Variants in MYLK2 observed in about 807,000 individuals in gnomAD.
The protein encoded by MYLK2 is myosin light chain kinase 2, skeletal/cardiac muscle.
A neutral mutation model predicts 58.2 loss-of-function variants in MYLK2; 27 were observed. The ratio of observed to expected loss-of-function variants is 0.46; its 90% confidence interval spans 0.34 to 0.64. MYLK2 has a LOEUF of 0.64. Among genes scored for constraint, MYLK2 ranks in the 30% least tolerant of loss-of-function variants. MYLK2 has a pLI of 0.01. For synonymous variants in MYLK2, 310 were observed against 296.7 expected, an observed-to-expected ratio of 1.04 and a Z score of -0.46; for missense variants, 676 against 764.3, an observed-to-expected ratio of 0.88 and a Z score of 1.36.
intron 8 of MYLK2, chr20:31,827,521 C>T: frequency 1.0e-6 from 1 of 985,242 alleles, no homozygotes; most frequent in Non-Finnish European, 1.2e-6. Context: ...ATATTGATAT[C>T]CTTCTTCTTT....
chr20:31,829,653 T>C (rs1600412713), intron 8 of MYLK2, among the ~76,000 whole-genome samples: 1 of 152,230 alleles, frequency 6.6e-6, no homozygotes, highest in East Asian at 1.9e-4. Context: ...ATTTGTCTCA[T>C]CTCAGGCTGT....
At position 31,819,617 on chromosome 20, in the gene MYLK2, C is replaced by A; in HGVS notation, c.37C>A (p.Gln13Lys). ...AAATGGAGCAGTTGAGCTGGGAATT[C>A]AGAACCCATCAACAGGTGCCAAGCT... ...TENGAVELGIQNPSTDKAPKG... is the reference protein window; with the variant it reads ...TENGAVELGIKNPSTDKAPKG... The change falls in exon 2 of 13, where the codon CAG (glutamine) becomes AAG (lysine). Residue 13 changes from glutamine to lysine, a missense_variant. By Grantham distance (53) the Gln-to-Lys change is moderately conservative (BLOSUM62 1). Around this residue, in one of 2 missense-constraint regions of MYLK2, gnomAD observed 306 missense variants for 296.5 expected, o/e 1.03. Transcript: ENST00000375985. 6.4e-7 allele frequency: 1 copy of A among 1,551,574 alleles called. No individual in the cohort carries two copies. Among genetic ancestry groups the A allele is most frequent in the South Asian group, 1.2e-5 (1 of 84,060 alleles).
At chr20:31,828,252 G>A in intron 8 of MYLK2, 1 of 984,848 alleles carries the variant, frequency 1.0e-6, no homozygotes, top group Non-Finnish European at 1.2e-6. Context: ...AGCTGAGTGT[G>A]GAGCTCTGGG....
Position 31,827,043 on chromosome 20 carries a change from C to T in MYLK2, c.1224+105C>T, listed in dbSNP as rs2062283991. Reference sequence around the variant, plus strand: ...CTGCCCTCCCATCCCTCCATCTCTTCCTTCATCCATCCTTCCCTTCATAGA... The same window carrying T: ...CTGCCCTCCCATCCCTCCATCTCTTTCTTCATCCATCCTTCCCTTCATAGA... On this transcript the variant is annotated intron_variant, in intron 8 of 12. Coordinates refer to ENST00000375985, the MANE Select transcript of MYLK2 (RefSeq NM_033118.4). 3.2e-6 allele frequency: 5 copies of T among 1,563,002 alleles called. No homozygotes were observed. The African/African-American group carries it at 5.4e-5, about 17-fold the overall frequency.
rs149280577 is a variant in MYLK2 at position 31,820,331 on chromosome 20, C to A, written c.258C>A (p.Pro86=). The A allele has an allele frequency of 6.2e-7, 1 of 1,612,850 alleles. No individual in the cohort carries two copies. Among genetic ancestry groups the A allele is most frequent in the Admixed American group, 1.7e-5 (1 of 60,010 alleles). ...GAGAGGGTGACAGGGGCGGGGGGCC[C>A]GCGGAGGGCAGTGCTGGGCCCCCGG... The part of the protein sequence containing the change: ...PKGEGDRGGG[P]AEGSAGPPAA... The change falls in exon 3 of 13, where the codon CCC becomes CCA. Residue 86 remains proline, a synonymous_variant. Transcript: ENST00000375985.
intron 12 of MYLK2, among the ~76,000 whole-genome samples, chr20:31,832,871 G>A (rs1158009930): frequency 6.6e-6 from 1 of 152,072 alleles, no homozygotes; most frequent in African/African-American, 2.4e-5. Flanking sequence ...GCCTTCTGCC[G>A]GGGAGAGGTT....
intron 11 of MYLK2, 63 bp downstream of exon 11, chr20:31,831,918 G>C: frequency 6.2e-7 from 1 of 1,613,500 alleles, no homozygotes; most frequent in Non-Finnish European, 8.5e-7. Flanking sequence ...AGTGCTGGCA[G>C]GGCGGGAGCC....
At position 31,834,646 on chromosome 20, in the gene MYLK2, C is replaced by G. The variant is rs1222996780; in HGVS notation, c.*849C>G. 1 of 152,776 alleles carries G rather than the reference C, an allele frequency of 6.5e-6. No homozygotes were observed. The highest frequency in any genetic ancestry group is 1.5e-5 in the Non-Finnish European group (1 of 68,116). The allele number at this position is 152,776 out of a possible 1,614,324, so 9.5% of individuals were successfully genotyped here. A position where few individuals can be genotyped will look rare whatever the true frequency, so the allele number is the denominator to read the frequency against. On this transcript the variant is annotated 3_prime_UTR_variant, in exon 13 of 13. Coordinates refer to ENST00000375985, the MANE Select transcript of MYLK2 (RefSeq NM_033118.4). Reference sequence around the variant, plus strand: ...AGGCCATGGGGCAGCCTCCAGTCTGCTCTCAGCTTGTGCCTTGTAAATAAA... The same window carrying G: ...AGGCCATGGGGCAGCCTCCAGTCTGGTCTCAGCTTGTGCCTTGTAAATAAA...
Position 31,821,397 on chromosome 20 carries a change from T to A in MYLK2, c.474-42T>A, listed in dbSNP as rs113086542. 8.7e-6 allele frequency: 14 copies of A among 1,611,056 alleles called. No individual in the cohort carries two copies. In the African/African-American group the frequency reaches 1.1e-4, roughly 12 times the overall value. ...TTGAGACTTGCCTGATGCCACAGGC[T>A]GTGGCCGCTGAGGGCTTCACCTCTG... On this transcript the variant is annotated intron_variant, in intron 3 of 12. Coordinates refer to ENST00000375985, the MANE Select transcript of MYLK2 (RefSeq NM_033118.4).
rs1374328808 is a variant in MYLK2 at position 31,822,542 on chromosome 20, G to A, written c.772+805G>A. ...TTGTTCATGGGCTGCAGAGAGCACT[G>A]AGTGTGAGTGAGCTTGGCCAGCAGG... On this transcript the variant is annotated intron_variant, in intron 4 of 12. Coordinates refer to ENST00000375985, the MANE Select transcript of MYLK2 (RefSeq NM_033118.4). 2.0e-5 allele frequency among the ~76,000 whole-genome samples: 3 copies of A among 152,166 alleles called. No homozygotes were observed. The East Asian group carries it at 5.8e-4, about 29-fold the overall frequency.
intron 4 of MYLK2, among the ~76,000 whole-genome samples, chr20:31,822,277 A>G (rs1048818907): frequency 3.3e-5 from 5 of 152,072 alleles, no homozygotes; most frequent in African/African-American, 1.2e-4. Flanking sequence ...CAGGCAGATT[A>G]TTGGAGCAAC....
rs1187220063 is a variant in MYLK2, at chr20:31,819,553, C to G, written c.-28C>G. ...TGCAGCTAGAAAGACTTGAGTTAGA[C>G]AAGCAGCAGCACACGCCTCCCTACC... On this transcript the variant is annotated 5_prime_UTR_variant, in exon 2 of 13. Transcript: ENST00000375985. 1 of 1,551,444 alleles carries G rather than the reference C, an allele frequency of 6.4e-7. No homozygotes were observed. The highest frequency in any genetic ancestry group is 2.4e-5 in the East Asian group (1 of 40,920).
Position 31,833,868 on chromosome 20 carries a change from C to A in MYLK2, c.*71C>A, listed in dbSNP as rs2062320500. On this transcript the variant is annotated 3_prime_UTR_variant, in exon 13 of 13. Coordinates refer to ENST00000375985, the MANE Select transcript of MYLK2 (RefSeq NM_033118.4). Reference sequence around the variant, plus strand: ...GGCTGAAGCCACACAGCCCAGAAGGCCAGAAAAGGCAGCCAGATCCCCAGG... The same window carrying A: ...GGCTGAAGCCACACAGCCCAGAAGGACAGAAAAGGCAGCCAGATCCCCAGG... The A allele has an allele frequency of 2.1e-6, 3 of 1,434,496 alleles. No individual in the cohort carries two copies. The highest frequency in any genetic ancestry group is 2.3e-5 in the East Asian group (1 of 43,900). The allele number at this position is 1,434,496 out of a possible 1,614,324, so 88.9% of individuals were successfully genotyped here. A position where few individuals can be genotyped will look rare whatever the true frequency, so the allele number is the denominator to read the frequency against.
At chr20:31,823,677 C>T (rs115953332) in intron 5 of MYLK2, 95 bp downstream of exon 5, 1 of 1,214,908 alleles carries the variant, frequency 8.2e-7, no homozygotes, top group Non-Finnish European at 1.2e-6. Flanking sequence ...CAGACACACA[C>T]CCCGCTGAGA....
Position 31,821,609 on chromosome 20 carries a change from C to A in MYLK2, c.644C>A (p.Ala215Asp). Reference protein sequence around the residue: ...KEVGEKTPGQAGQAKMQGDTS... With the variant: ...KEVGEKTPGQDGQAKMQGDTS... ...GTGGGAGAGAAAACCCCAGGCCAGG[C>A]TGGCCAGGCTAAGATGCAAGGGGAC... The change falls in exon 4 of 13, where the codon GCT becomes GAT. Residue 215 changes from alanine to aspartate, a missense_variant. By Grantham distance (126) the Ala-to-Asp change is moderately radical (BLOSUM62 -2). Around this residue, in one of 2 missense-constraint regions of MYLK2, gnomAD observed 306 missense variants for 296.5 expected, o/e 1.03. Coordinates refer to ENST00000375985, the MANE Select transcript of MYLK2 (RefSeq NM_033118.4). 1 of 1,614,114 alleles carries A rather than the reference C, an allele frequency of 6.2e-7. No homozygotes were observed. Among genetic ancestry groups the A allele is most frequent in the Middle Eastern group, 1.6e-4 (1 of 6,062 alleles).
intron 8 of MYLK2, chr20:31,828,791 T>C: frequency 1.1e-6 from 1 of 913,220 alleles, no homozygotes; most frequent in African/African-American, 1.8e-5. Flanking sequence ...TGTGTTAATA[T>C]CACTGCCACT....
In MYLK2 at chr20:31,831,109, C is replaced by T; in HGVS notation, c.1392C>T (p.Asp464=). 6 of 1,614,148 alleles carry T rather than the reference C, an allele frequency of 3.7e-6. No individual in the cohort carries two copies. Among genetic ancestry groups the T allele is most frequent in the Non-Finnish European group, 5.1e-6 (6 of 1,180,006 alleles). The change falls in exon 10 of 13, where the codon GAC becomes GAT. Residue 464 remains aspartate (D), a synonymous_variant. Transcript: ENST00000375985. ...ATGACCAAATCTCCGATAAGACAGA[C>T]ATGTGGAGTATGGGGGTGATCACCT... ...VNYDQISDKT[D]MWSMGVITYM...
intron 4 of MYLK2, 63 bp downstream of exon 4, chr20:31,821,800 C>T (rs2062253539): frequency 6.7e-7 from 1 of 1,501,026 alleles, no homozygotes. Context: ...AGGGGGCTGT[C>T]AGTCCCAAGT....
chr20:31,819,504 C>T, intron 1 of MYLK2, 29 bp from the exon 2 acceptor site: 1 of 1,536,940 alleles, frequency 6.5e-7, no homozygotes, highest in Non-Finnish European at 8.8e-7. Flanking sequence ...AATTGGACAG[C>T]CTGACACACT....
Sources: gnomAD v4.1 joint callset for allele counts (sites outside exome capture counted in the v4.1 genomes callset) on GRCh38, gnomAD v4.1.1 for gene constraint, gnomAD v4.1.1 regional missense constraint, MANE v1.5 for transcripts, NCBI Gene and HGNC (gene_info 2026-07-23, HGNC 2026-07-21) for gene names.